MCM5: variants seen among roughly 807,000 people sequenced by gnomAD.
The protein encoded by MCM5 is minichromosome maintenance complex component 5, also known as DNA replication licensing factor MCM5.
MCM5 carries 46 observed loss-of-function variants against 79.9 expected under a neutral mutation model. That is an observed-to-expected ratio of 0.58 (90% CI 0.45 to 0.74). The LOEUF (loss-of-function observed/expected upper bound fraction) is 0.74, where lower values mean the gene tolerates loss of function less well. Ranked by LOEUF, MCM5 falls within the 30% of genes least tolerant of loss-of-function variation. The pLI is 0.00. For missense variants in MCM5, 883 were observed against 1,017.0 expected (o/e 0.87, Z 1.79); for synonymous variants, 404 against 390.5 (o/e 1.03, Z -0.41).
chr22:35,403,198 C>G lies in MCM5; in HGVS notation c.168-9C>G. On this transcript the variant is annotated splice_polypyrimidine_tract_variant and intron_variant, in intron 2 of 16. Coordinates refer to ENST00000216122, the MANE Select transcript of MCM5 (RefSeq NM_006739.4). ...CTTCCTGCCCCACCCTGCTATGTGC[C>G]CACTCCAGGGATGAACTCAAGCGGC... 1 of 1,613,932 alleles carries G rather than the reference C, an allele frequency of 6.2e-7. No individual in the cohort carries two copies. The highest frequency in any genetic ancestry group is 8.5e-7 in the Non-Finnish European group (1 of 1,179,916).
In MCM5 at chr22:35,406,558, C is replaced by G. The variant is rs1188379930; in HGVS notation, c.429C>G (p.Asp143Glu). 1.2e-6 allele frequency: 2 copies of G among 1,613,038 alleles called. No homozygotes were observed. The highest frequency in any genetic ancestry group is 1.3e-5 in the African/African-American group (1 of 74,926). The change falls in exon 5 of 17, where the codon GAC (aspartate) becomes GAG (glutamate). Residue 143 changes from aspartate to glutamate, a missense_variant. This residue lies in a region of MCM5 where 455 missense variants were observed against 517.5 expected (regional missense o/e 0.88). Coordinates refer to ENST00000216122, the MANE Select transcript of MCM5 (RefSeq NM_006739.4). ...SPSSIRSLKS[D>E]MMSHLVKIPG... is the part of the protein sequence containing the mutation. The stretch of plus-strand genomic sequence containing the variant: ...TCCCGATGGCTCTATTACAGTCGGA[C>G]ATGATGTCACACCTGGTGAAGATCC...
chr22:35,401,664 A>G (rs1477068170), intron 2 of MCM5: 1 of 471,072 alleles, frequency 2.1e-6, no homozygotes, highest in Non-Finnish European at 4.4e-6. Flanking sequence ...TTACTCATGC[A>G]GCAGCTGATA....
At chr22:35,410,162 C>T (rs997397838) in intron 6 of MCM5, among the ~76,000 whole-genome samples, 1 of 152,118 alleles carries the variant, frequency 6.6e-6, no homozygotes, top group African/African-American at 2.4e-5. Flanking sequence ...TCGTTGAGGT[C>T]ACACAGCGAC....
In MCM5 at chr22:35,408,474, C is replaced by T. The variant is rs921242807; in HGVS notation, c.663C>T (p.Cys221=). Reference sequence around the variant, plus strand: ...TCATCATGCCCGACAAATGCAAATGCGTGGACTTCCAGACCCTGAAGCTGC... The same window carrying T: ...TCATCATGCCCGACAAATGCAAATGTGTGGACTTCCAGACCCTGAAGCTGC... ...PYFIMPDKCK[C]VDFQTLKLQE... Residue 221 remains cysteine (C), a synonymous_variant, in exon 6 of 17, where the codon TGC becomes TGT. Transcript: ENST00000216122. 13 of 1,614,090 alleles carry T rather than the reference C, an allele frequency of 8.1e-6. No homozygotes were observed. Among genetic ancestry groups the T allele is most frequent in the East Asian group, 4.5e-5 (2 of 44,892 alleles).
intron 4 of MCM5, 49 bp from the exon 5 acceptor site, chr22:35,406,504 G>A: frequency 7.1e-6 from 11 of 1,558,030 alleles, no homozygotes; most frequent in South Asian, 2.3e-5. Flanking sequence ...TATCTCAGAT[G>A]CGTCCTGGCT....
rs541182164 is a variant in MCM5, at chr22:35,408,523, C to T, written c.712C>T (p.His238Tyr). 5.0e-6 allele frequency: 8 copies of T among 1,614,004 alleles called. No homozygotes were observed. Among genetic ancestry groups the T allele is most frequent in the South Asian group, 3.3e-5 (3 of 91,086 alleles). Residue 238 changes from histidine (H) to tyrosine (Y), a missense_variant, in exon 6 of 17, where the codon CAC (histidine) becomes TAC (tyrosine). Around this residue, in one of 3 missense-constraint regions of MCM5, gnomAD observed 455 missense variants for 517.5 expected, o/e 0.88. Transcript: ENST00000216122. ...GCAGGAGCTGCCTGATGCAGTCCCCCACGGGGAGATGCCCAGACACATGCA... is the reference window on the plus strand; with the variant it reads ...GCAGGAGCTGCCTGATGCAGTCCCCTACGGGGAGATGCCCAGACACATGCA... The part of the protein sequence containing the change: ...KLQELPDAVP[H>Y]GEMPRHMQLY...
At chr22:35,404,694 C>G (rs923188328) in intron 4 of MCM5, among the ~76,000 whole-genome samples, 3 of 152,106 alleles carry the variant, frequency 2.0e-5, no homozygotes. Flanking sequence ...TTCCGCCTCC[C>G]CAGCCTCGCT....
chr22:35,413,667 C>T, intron 8 of MCM5, among the ~76,000 whole-genome samples: 1 of 152,180 alleles, frequency 6.6e-6, no homozygotes, highest in East Asian at 1.9e-4. Flanking sequence ...AAGCTCTGTC[C>T]TCATTGCTAG....
At chr22:35,402,330 TG>T (rs1199088953) in intron 2 of MCM5, among the ~76,000 whole-genome samples, 2 of 151,434 alleles carry the variant, frequency 1.3e-5, no homozygotes, top group African/African-American at 4.9e-5. Flanking sequence ...TTTTGTTTTT[TG>T]TTTTTTTTTT....
intron 6 of MCM5, chr22:35,410,522 CTG>C: frequency 3.8e-6 from 2 of 525,814 alleles, no homozygotes; most frequent in Non-Finnish European, 7.0e-6. Context: ...TTGGCTGTCA[CTG>C]TGGGCAACAC....
the MCM5 span, among the ~76,000 whole-genome samples, chr22:35,437,923 C>G: frequency 6.6e-6 from 1 of 152,050 alleles, no homozygotes; most frequent in Non-Finnish European, 1.5e-5. Flanking sequence ...GGAGACAGGC[C>G]CAGAGGAGAA....
At chr22:35,431,914 C>T in the MCM5 span, among the ~76,000 whole-genome samples, 1 of 152,238 alleles carries the variant, frequency 6.6e-6, no homozygotes, top group Non-Finnish European at 1.5e-5. Flanking sequence ...ATGGCACCCT[C>T]TCACTTTATG....
chr22:35,400,349 C>G (rs1300869009), intron 1 of MCM5, 82 bp from the exon 2 acceptor site: 186 of 1,533,770 alleles, frequency 1.2e-4, no homozygotes, highest in Non-Finnish European at 3.6e-6. Flanking sequence ...GCTCCGGACT[C>G]AGGGCAGGGA....
At chr22:35,443,076 T>C in the MCM5 span, among the ~76,000 whole-genome samples, 2,118 of 152,260 alleles carry the variant, frequency 0.014, 36 homozygotes, top group African/African-American at 0.042. Flanking sequence ...GACCACACTC[T>C]CCCTCTCAGC....
chr22:35,410,101 A>G (rs1250525832), intron 6 of MCM5: 1 of 155,032 alleles, frequency 6.5e-6, no homozygotes, highest in African/African-American at 2.4e-5. Context: ...ACTCCACAAC[A>G]TGAGAGGCAG....
At chr22:35,447,396 T>C in the MCM5 span, among the ~76,000 whole-genome samples, 7 of 152,164 alleles carry the variant, frequency 4.6e-5, no homozygotes, top group African/African-American at 1.4e-4. Context: ...TAAGGAGTCC[T>C]CTCTCATTCC....
At chr22:35,432,983 G>A in the MCM5 span, among the ~76,000 whole-genome samples, 2 of 152,150 alleles carry the variant, frequency 1.3e-5, no homozygotes, top group African/African-American at 2.4e-5. Flanking sequence ...TGCTCAGGCT[G>A]GAGTGCAGTA....
Position 35,421,420 on chromosome 22 carries a change from A to G in MCM5, c.1935A>G (p.Gln645=), listed in dbSNP as rs375480994. 101 of 1,614,160 alleles carry G rather than the reference A, an allele frequency of 6.3e-5. No individual in the cohort carries two copies. The highest frequency in any genetic ancestry group is 8.1e-5 in the Non-Finnish European group (95 of 1,180,034). Residue 645 remains glutamine, a synonymous_variant, in exon 15 of 17, where the codon CAA becomes CAG. Transcript: ENST00000216122. ...TGGAGGAGGCCCTGCGGCTCTTCCA[A>G]GTGTCCACGTTGGATGCTGCCTTGT... is the stretch of plus-strand genomic sequence containing the variant. The part of the protein sequence containing the change: ...ADVEEALRLF[Q]VSTLDAALSG...
intron 8 of MCM5, among the ~76,000 whole-genome samples, chr22:35,413,430 T>G (rs1418070852): frequency 6.6e-6 from 1 of 152,158 alleles, no homozygotes; most frequent in South Asian, 2.1e-4. Flanking sequence ...GTGCCCATTT[T>G]ATAGATGAGG....
Sources: allele counts gnomAD v4.1 joint callset (sites outside exome capture counted in the v4.1 genomes callset), GRCh38; gene constraint gnomAD v4.1.1; regional missense constraint gnomAD v4.1.1; transcripts MANE v1.5; gene names NCBI Gene and HGNC (gene_info 2026-07-23, HGNC 2026-07-21).